The following ASB7 variants were observed in gnomAD, a reference collection of about 807,000 sequenced individuals.
ASB7 encodes the protein ankyrin repeat and SOCS box protein 7.
ASB7 carries 4 observed loss-of-function variants against 32.5 expected under a neutral mutation model. The ratio of observed to expected loss-of-function variants is 0.12; its 90% CI spans 0.06 to 0.28. The LOEUF (loss-of-function observed/expected upper bound fraction) is 0.28, where lower values mean the gene tolerates loss of function less well. Among genes scored for constraint, ASB7 ranks in the 10% least tolerant of loss-of-function variants. ASB7 has a pLI of 1.00. For synonymous variants in ASB7, 172 were observed against 155.6 expected, an observed-to-expected ratio of 1.11 and a Z score of -0.78; for missense variants, 181 against 407.1, an observed-to-expected ratio of 0.44 and a Z score of 4.78.
At chr15:100,611,366 G>A (rs1239282501) in intron 3 of ASB7, among the ~76,000 whole-genome samples, 1 of 149,162 alleles carries the variant, frequency 6.7e-6, no homozygotes. Context: ...ATATTTCATT[G>A]TATGTTGGGT....
intron 4 of ASB7, among the ~76,000 whole-genome samples, chr15:100,621,876 A>C (rs1244825778): frequency 3.3e-5 from 5 of 151,774 alleles, no homozygotes; most frequent in Non-Finnish European, 5.9e-5. Flanking sequence ...AAAAGAAAAC[A>C]GGAGAAAAGA....
At chr15:100,633,618 AAAGAAAGG>A (rs1310549522) in intron 5 of ASB7, among the ~76,000 whole-genome samples, 5 of 146,710 alleles carry the variant, frequency 3.4e-5, no homozygotes, top group East Asian at 1.9e-4. Flanking sequence ...GGGGAAAGGG[AAAGAAAGG>A]AAGAAAGGAA....
chr15:100,613,858 C>T (rs1190547037), intron 4 of ASB7, among the ~76,000 whole-genome samples: 1 of 152,114 alleles, frequency 6.6e-6, no homozygotes, highest in Non-Finnish European at 1.5e-5. Flanking sequence ...AGCCAAAGTC[C>T]CCTTTGACTA....
In ASB7 at chr15:100,648,440, A is replaced by C; in HGVS notation, c.935A>C (p.Lys312Thr). Residue 312 changes from lysine (K) to threonine (T), a missense_variant, in exon 6 of 6, where the codon AAA becomes ACA. Coordinates refer to ENST00000332783, the MANE Select transcript of ASB7 (RefSeq NM_198243.3). ...GCCAAGGTCATGAAAGACTACTTAA[A>C]ACACAAATTTGATGATATCTGATAT... is the stretch of plus-strand genomic sequence containing the variant. ...PIAKVMKDYL[K>T]HKFDDI The C allele has an allele frequency of 6.2e-7, 1 of 1,608,844 alleles. No homozygotes were observed. Among genetic ancestry groups the C allele is most frequent in the Non-Finnish European group, 8.5e-7 (1 of 1,176,158 alleles).
At chr15:100,612,926 T>C (rs1256896259) in intron 4 of ASB7, among the ~76,000 whole-genome samples, 2 of 152,258 alleles carry the variant, frequency 1.3e-5, no homozygotes. Flanking sequence ...ACATAGTTTG[T>C]AGGTATACTA....
chr15:100,611,565 C>T (rs2039696378), intron 3 of ASB7, among the ~76,000 whole-genome samples: 2 of 138,578 alleles, frequency 1.4e-5, no homozygotes, highest in Admixed American at 1.6e-4. Flanking sequence ...ATGAAACCTC[C>T]ACCTCCCGGG....
intron 4 of ASB7, among the ~76,000 whole-genome samples, chr15:100,613,280 C>A (rs1490976430): frequency 2.0e-5 from 3 of 152,188 alleles, no homozygotes; most frequent in African/African-American, 7.2e-5. Context: ...ACAAAACTAG[C>A]CAAACTTCCT....
At chr15:100,644,706 T>C (rs1249970086) in intron 5 of ASB7, among the ~76,000 whole-genome samples, 3 of 152,206 alleles carry the variant, frequency 2.0e-5, no homozygotes, top group East Asian at 1.9e-4. Context: ...TTAAATGTTA[T>C]AAAGGAGAGG....
At chr15:100,636,260 T>C (rs2039922696) in intron 5 of ASB7, among the ~76,000 whole-genome samples, 1 of 152,242 alleles carries the variant, frequency 6.6e-6, no homozygotes, top group Admixed American at 6.5e-5. Context: ...GATGGATCCA[T>C]GAAAAGTCAT....
chr15:100,612,825 A>G (rs182646861), intron 4 of ASB7, among the ~76,000 whole-genome samples: 1 of 152,270 alleles, frequency 6.6e-6, no homozygotes, highest in Non-Finnish European at 1.5e-5. Context: ...AGTCCTTTAA[A>G]CATCATGGCC....
At chr15:100,612,846 C>G (rs987055428) in intron 4 of ASB7, among the ~76,000 whole-genome samples, 8 of 152,190 alleles carry the variant, frequency 5.3e-5, no homozygotes, top group Non-Finnish European at 7.3e-5. Context: ...TAATGATACC[C>G]TATCCTTATC....
chr15:100,643,783 G>A (rs1239331960), intron 5 of ASB7, among the ~76,000 whole-genome samples: 7 of 151,450 alleles, frequency 4.6e-5, no homozygotes, highest in South Asian at 4.2e-4. Flanking sequence ...ATGATGCACC[G>A]CGCCCAGCCA....
intron 2 of ASB7, among the ~76,000 whole-genome samples, chr15:100,606,031 A>T (rs928879177): frequency 1.3e-5 from 2 of 152,192 alleles, no homozygotes; most frequent in Admixed American, 6.5e-5. Context: ...AGTGACACTA[A>T]AATAACACTT....
intron 4 of ASB7, among the ~76,000 whole-genome samples, chr15:100,627,547 TTGTG>T (rs997604656): frequency 1.3e-5 from 2 of 152,214 alleles, no homozygotes; most frequent in African/African-American, 4.8e-5. Flanking sequence ...CAGGTCATTG[TTGTG>T]TGTGTTAATC....
chr15:100,607,008 C>T (rs10220832), intron 2 of ASB7, among the ~76,000 whole-genome samples: 64,163 of 151,736 alleles, frequency 0.42, 13,732 homozygotes, highest in South Asian at 0.51. Context: ...CATGAATTAG[C>T]CGGGTGTGGT....
intron 5 of ASB7, among the ~76,000 whole-genome samples, chr15:100,642,963 G>T (rs2039971786): frequency 6.6e-6 from 1 of 152,238 alleles, no homozygotes; most frequent in African/African-American, 2.4e-5. Flanking sequence ...TTGAACCCTG[G>T]AGGTGGAGGT....
chr15:100,635,631 C>G (rs77214578), intron 5 of ASB7, among the ~76,000 whole-genome samples: 1 of 152,198 alleles, frequency 6.6e-6, no homozygotes, highest in Non-Finnish European at 1.5e-5. Flanking sequence ...GCAGCTTTCT[C>G]GGCTTTCATC....
At chr15:100,612,690 T>C (rs1159532051) in intron 4 of ASB7, among the ~76,000 whole-genome samples, 2 of 152,246 alleles carry the variant, frequency 1.3e-5, no homozygotes, top group Admixed American at 6.5e-5. Flanking sequence ...TCAGCTAAGC[T>C]ACCTTTCTTC....
In ASB7 at chr15:100,602,801, C is replaced by A; in HGVS notation, c.-518C>A. 1 of 391,666 alleles carries A rather than the reference C, an allele frequency of 2.6e-6. No individual in the cohort carries two copies. The highest frequency in any genetic ancestry group is 4.5e-6 in the Non-Finnish European group (1 of 222,416). 24.3% of individuals were successfully genotyped at this position (391,666 alleles called of 1,614,324 possible). Reference sequence around the variant, plus strand: ...GCTCCGAGCCCTGGACCGGGACTGCCCCCCCACCCGAGCCAGGACTTCCTC... The same window carrying A: ...GCTCCGAGCCCTGGACCGGGACTGCACCCCCACCCGAGCCAGGACTTCCTC... On this transcript the variant is annotated 5_prime_UTR_variant, in exon 1 of 6. Coordinates refer to ENST00000332783, the MANE Select transcript of ASB7 (RefSeq NM_198243.3).
Sources: gnomAD v4.1 joint callset for allele counts (sites outside exome capture counted in the v4.1 genomes callset) on GRCh38, gnomAD v4.1.1 for gene constraint, MANE v1.5 for transcripts, NCBI Gene and HGNC (gene_info 2026-07-23, HGNC 2026-07-21) for gene names.